RALGPS1: variants seen among roughly 807,000 people sequenced by gnomAD.
RALGPS1 encodes the protein Ral GEF with PH domain and SH3 binding motif 1, also known as ras-specific guanine nucleotide-releasing factor RalGPS1.
Under a neutral mutation model 78.8 loss-of-function variants are expected in RALGPS1, and 19 were observed. That is an observed-to-expected ratio of 0.24 (90% CI 0.17 to 0.35). RALGPS1 has a LOEUF of 0.35. Among genes scored for constraint, RALGPS1 ranks in the 10% least tolerant of loss-of-function variants. RALGPS1 has a pLI of 1.00. For synonymous variants in RALGPS1, 228 were observed against 256.3 expected, an observed-to-expected ratio of 0.89 and a Z score of 1.06; for missense variants, 454 against 688.3, an observed-to-expected ratio of 0.66 and a Z score of 3.81.
At chr9:126,933,413 C>A (rs1052964671) in intron 1 of RALGPS1, among the ~76,000 whole-genome samples, 1 of 152,160 alleles carries the variant, frequency 6.6e-6, no homozygotes, top group Non-Finnish European at 1.5e-5. Flanking sequence ...GGGAAAGTAG[C>A]CTGGGCTTCA....
At chr9:127,128,421 G>T (rs2056780862) in intron 8 of RALGPS1, among the ~76,000 whole-genome samples, 1 of 152,230 alleles carries the variant, frequency 6.6e-6, no homozygotes, top group African/African-American at 2.4e-5. Flanking sequence ...TTTCCTAGTA[G>T]AATGTGATGC....
At chr9:127,090,798 G>A (rs1236930442) in intron 8 of RALGPS1, among the ~76,000 whole-genome samples, 1 of 152,222 alleles carries the variant, frequency 6.6e-6, no homozygotes, top group African/African-American at 2.4e-5. Flanking sequence ...GCCTCAGGGA[G>A]GAGCATGGCA....
intron 3 of RALGPS1, among the ~76,000 whole-genome samples, chr9:126,970,144 C>T (rs1448380621): frequency 6.6e-6 from 1 of 152,066 alleles, no homozygotes; most frequent in African/African-American, 2.4e-5. Context: ...CCCCACCGCC[C>T]CACTGTAAAC....
intron 4 of RALGPS1, among the ~76,000 whole-genome samples, chr9:127,025,656 C>T (rs554347105): frequency 4.6e-5 from 7 of 152,216 alleles, no homozygotes; most frequent in East Asian, 3.9e-4. Context: ...TTGCCATCCA[C>T]GCATCCTCCT....
chr9:126,993,016 A>T (rs1169346316), intron 4 of RALGPS1, among the ~76,000 whole-genome samples: 1 of 152,192 alleles, frequency 6.6e-6, no homozygotes, highest in Non-Finnish European at 1.5e-5. Context: ...GTTTTTTCAT[A>T]GAGGTCTTTT....
chr9:126,949,432 G>T (rs2037597762), intron 1 of RALGPS1, among the ~76,000 whole-genome samples: 1 of 152,102 alleles, frequency 6.6e-6, no homozygotes, highest in Non-Finnish European at 1.5e-5. Flanking sequence ...CCCACCAACA[G>T]CGTCAAAGTG....
chr9:127,196,524 C>T lies in RALGPS1; in HGVS notation c.1088C>T (p.Ser363Leu), dbSNP rs1186971398. The part of the protein sequence containing the change: ...VVESKSATFP[S>L]EKARHLLDDS... ...GAGAGTAAAAGTGCGACATTCCCATCGGAGAAAGCAAGGCACCTACTGGAC... is the reference window on the plus strand; with the variant it reads ...GAGAGTAAAAGTGCGACATTCCCATTGGAGAAAGCAAGGCACCTACTGGAC... The change falls in exon 13 of 19, where the codon TCG becomes TTG. Residue 363 changes from serine to leucine, a missense_variant. Coordinates refer to ENST00000259351, the MANE Select transcript of RALGPS1 (RefSeq NM_014636.3). 44 of 1,614,148 alleles carry T rather than the reference C, an allele frequency of 2.7e-5. No homozygotes were observed. The highest frequency in any genetic ancestry group is 3.7e-5 in the Non-Finnish European group (44 of 1,179,974).
At chr9:126,958,142 A>AAAAAAAAATATATATAT (rs113413659) in intron 1 of RALGPS1, among the ~76,000 whole-genome samples, 8 of 77,064 alleles carry the variant, frequency 1.0e-4, no homozygotes, top group Non-Finnish European at 1.4e-4. Context: ...AAAAAAAAAA[A>AAAAAAAAATATATATAT]ATATATATAT....
chr9:126,958,142 A>AAAAAAAAAATATATATATAT (rs113413659), intron 1 of RALGPS1, among the ~76,000 whole-genome samples: 1 of 77,084 alleles, frequency 1.3e-5, no homozygotes, highest in Non-Finnish European at 2.8e-5. Context: ...AAAAAAAAAA[A>AAAAAAAAAATATATATATAT]ATATATATAT....
intron 8 of RALGPS1, among the ~76,000 whole-genome samples, chr9:127,092,365 C>T (rs563433180): frequency 7.2e-5 from 11 of 152,238 alleles, no homozygotes; most frequent in South Asian, 2.1e-4. Flanking sequence ...TAAGCTGTAA[C>T]GCACCAGACG....
At chr9:127,073,466 C>CTGTGTCTGTGTGTGTGTGTGTG (rs2050392860) in intron 8 of RALGPS1, among the ~76,000 whole-genome samples, 1 of 142,920 alleles carries the variant, frequency 7.0e-6, no homozygotes. Flanking sequence ...GTGTGTGTGT[C>CTGTGTCTGTGTGTGTGTGTGTG]TGTGTGTGTG....
At chr9:127,153,946 C>T (rs1426373298) in intron 8 of RALGPS1, among the ~76,000 whole-genome samples, 1 of 152,166 alleles carries the variant, frequency 6.6e-6, no homozygotes, top group Non-Finnish European at 1.5e-5. Context: ...GGTCCTTTCC[C>T]AAGGGAGTTG....
intron 13 of RALGPS1, among the ~76,000 whole-genome samples, chr9:127,197,334 G>A (rs1466726166): frequency 6.6e-6 from 1 of 152,216 alleles, no homozygotes; most frequent in Non-Finnish European, 1.5e-5. Context: ...AGGCCAGTGT[G>A]CTCTGATGCC....
chr9:127,001,729 T>C (rs1009026222), intron 4 of RALGPS1, among the ~76,000 whole-genome samples: 2 of 151,698 alleles, frequency 1.3e-5, no homozygotes, highest in Admixed American at 6.6e-5. Context: ...ACTAAAAATA[T>C]AAAAATTAGC....
At chr9:127,127,519 C>G (rs939263870) in intron 8 of RALGPS1, among the ~76,000 whole-genome samples, 10 of 152,290 alleles carry the variant, frequency 6.6e-5, no homozygotes, top group African/African-American at 2.2e-4. Context: ...CTCCCTGCTT[C>G]TGATCATAGT....
intron 8 of RALGPS1, among the ~76,000 whole-genome samples, chr9:127,139,633 G>A (rs1458405175): frequency 6.6e-6 from 1 of 152,234 alleles, no homozygotes; most frequent in Non-Finnish European, 1.5e-5. Context: ...GCCAGTGGAG[G>A]TCCACCTCTG....
At chr9:127,060,932 T>A (rs888765868) in intron 7 of RALGPS1, among the ~76,000 whole-genome samples, 3 of 152,192 alleles carry the variant, frequency 2.0e-5, no homozygotes, top group Non-Finnish European at 4.4e-5. Context: ...TAATAATATT[T>A]TGTCAGCCAG....
intron 4 of RALGPS1, among the ~76,000 whole-genome samples, chr9:126,986,093 T>C (rs1012110072): frequency 2.6e-5 from 4 of 152,192 alleles, no homozygotes; most frequent in Admixed American, 2.6e-4. Context: ...AGTTGATAAC[T>C]GAGGGTGGAG....
chr9:127,080,643 T>C (rs1012254742), intron 8 of RALGPS1, among the ~76,000 whole-genome samples: 41 of 152,236 alleles, frequency 2.7e-4, no homozygotes, highest in African/African-American at 9.9e-4. Flanking sequence ...CACCCACAGA[T>C]GTATGGGCAA....
Sources: gnomAD v4.1 joint callset for allele counts (sites outside exome capture counted in the v4.1 genomes callset) on GRCh38, gnomAD v4.1.1 for gene constraint, MANE v1.5 for transcripts, NCBI Gene and HGNC (gene_info 2026-07-23, HGNC 2026-07-21) for gene names.